Variants in RPS6KA1 observed in about 807,000 individuals in gnomAD.
RPS6KA1 encodes ribosomal protein S6 kinase alpha-1.
In RPS6KA1, 48 loss-of-function variants were observed where a neutral mutation model predicts 91.3. That is an observed-to-expected ratio of 0.53 (90% CI 0.42 to 0.67). The LOEUF is 0.67. RPS6KA1 is among the 30% of genes least tolerant of loss of function. The pLI, the probability that RPS6KA1 is intolerant of heterozygous loss-of-function variation, is 0.00. For synonymous variants in RPS6KA1, 359 were observed against 384.7 expected (o/e 0.93, Z 0.78); for missense variants, 719 against 960.5 (o/e 0.75, Z 3.32).
chr1:26,536,685 G>T (rs1179492668), intron 1 of RPS6KA1, among the ~76,000 whole-genome samples: 1 of 152,192 alleles, frequency 6.6e-6, no homozygotes. Context: ...CAGCATGAGG[G>T]TCAGAATGCT....
chr1:26,569,287 CT>C (rs1386888808), intron 17 of RPS6KA1, among the ~76,000 whole-genome samples: 6 of 152,164 alleles, frequency 3.9e-5, no homozygotes, highest in Admixed American at 6.6e-5. Flanking sequence ...GAGATCACGA[CT>C]GGTAACATTC....
At chr1:26,556,488 G>A (rs1477891103) in intron 11 of RPS6KA1, among the ~76,000 whole-genome samples, 166 bp from the exon 12 acceptor site, 4 of 152,214 alleles carry the variant, frequency 2.6e-5, no homozygotes, top group Admixed American at 2.6e-4. Flanking sequence ...TGCTGAGTAG[G>A]TGACAGGCCT....
At chr1:26,566,579 G>A (rs1416912736) in intron 17 of RPS6KA1, among the ~76,000 whole-genome samples, 1 of 152,090 alleles carries the variant, frequency 6.6e-6, no homozygotes, top group Non-Finnish European at 1.5e-5. Flanking sequence ...GAACCACTGT[G>A]CCCGGCTCAT....
chr1:26,556,934 C>A, intron 12 of RPS6KA1, 64 bp from the exon 13 acceptor site: 1 of 1,331,662 alleles, frequency 7.5e-7, no homozygotes, highest in Non-Finnish European at 1.1e-6. Flanking sequence ...CCTCCTCCTG[C>A]ATGGGGCTCC....
chr1:26,564,157 C>G (rs444482), intron 17 of RPS6KA1, among the ~76,000 whole-genome samples: 52,774 of 151,816 alleles, frequency 0.35, 10,056 homozygotes, highest in East Asian at 0.75. Context: ...AGAAGGCCAA[C>G]GTCATCCAAT....
rs376143382 is a variant in RPS6KA1, at chr1:26,571,358, C to T, written c.1591-91C>T. ...GTCCATGCACCCGTCCCTCTGCACC[C>T]TGTCTGTGTAGCTTTCTAATCTCTG... On this transcript the variant is annotated intron_variant, in intron 17 of 21. Transcript: ENST00000374168. This position sits in a 1 kb window ranked among gnomAD's most constrained non-coding sequence, Gnocchi z 5.1. The T allele has an allele frequency of 1.5e-5, 19 of 1,281,106 alleles. No homozygotes were observed. The African/African-American group carries it at 1.8e-4, about 12-fold the overall frequency. 79.4% of individuals were successfully genotyped at this position (1,281,106 alleles called of 1,614,324 possible). A position where few individuals can be genotyped will look rare whatever the true frequency, so the allele number is the denominator to read the frequency against.
intron 2 of RPS6KA1, among the ~76,000 whole-genome samples, chr1:26,542,397 G>A (rs952675722): frequency 6.6e-6 from 1 of 152,228 alleles, no homozygotes; most frequent in East Asian, 1.9e-4. Context: ...GTGCGTGGGG[G>A]CATGTGTTTC....
chr1:26,571,947 C>G lies in RPS6KA1; in HGVS notation c.1829+22C>G, dbSNP rs368405678. 2 of 1,604,230 alleles carry G rather than the reference C, an allele frequency of 1.2e-6. No individual in the cohort carries two copies. Among genetic ancestry groups the G allele is most frequent in the Non-Finnish European group, 1.7e-6 (2 of 1,174,302 alleles). On this transcript the variant is annotated intron_variant, in intron 19 of 21. Transcript: ENST00000374168. The surrounding 1 kb of genome is among the most constrained non-coding windows in gnomAD (Gnocchi z 5.1). ...CAGGGTGAGTGCCCCTGGCCTGGACCCTTCCCCACTCCTGCAGCCCTAGCA... is the reference window on the plus strand; with the variant it reads ...CAGGGTGAGTGCCCCTGGCCTGGACGCTTCCCCACTCCTGCAGCCCTAGCA...
intron 1 of RPS6KA1, among the ~76,000 whole-genome samples, chr1:26,531,644 C>A (rs892695787): frequency 2.6e-5 from 4 of 152,176 alleles, no homozygotes. Context: ...GGAAGACCAG[C>A]GGACTTCCTG....
chr1:26,538,350 G>A (rs895692732), intron 2 of RPS6KA1, among the ~76,000 whole-genome samples: 6 of 152,310 alleles, frequency 3.9e-5, no homozygotes, highest in Middle Eastern at 3.4e-3. Context: ...TTGCAGAGGA[G>A]CTTGCAGCAT....
At chr1:26,572,532 G>C (rs2076258224) in intron 20 of RPS6KA1, among the ~76,000 whole-genome samples, 1 of 152,078 alleles carries the variant, frequency 6.6e-6, no homozygotes, top group African/African-American at 2.4e-5. Flanking sequence ...GGGGCACTGA[G>C]GGCTGCATCA....
Position 26,555,266 on chromosome 1 carries a change from C to G in RPS6KA1, c.827+45C>G. On this transcript the variant is annotated intron_variant, in intron 10 of 21. Coordinates refer to ENST00000374168, the MANE Select transcript of RPS6KA1 (RefSeq NM_002953.4). This position sits in a 1 kb window ranked among gnomAD's most constrained non-coding sequence, Gnocchi z 4.3. ...TGATAACAATGGACTCCTCCAAGCCCCAGCCCCAGTTTGGGGGTCAGAATA... is the reference window on the plus strand; with the variant it reads ...TGATAACAATGGACTCCTCCAAGCCGCAGCCCCAGTTTGGGGGTCAGAATA... 6.3e-7 allele frequency: 1 copy of G among 1,590,278 alleles called. No homozygotes were observed.
At position 26,555,254 on chromosome 1, in the gene RPS6KA1, C is replaced by A; in HGVS notation, c.827+33C>A. ...CCAGCCCTGCCCTGATAACAATGGA[C>A]TCCTCCAAGCCCCAGCCCCAGTTTG... On this transcript the variant is annotated intron_variant, in intron 10 of 21. Coordinates refer to ENST00000374168, the MANE Select transcript of RPS6KA1 (RefSeq NM_002953.4). The surrounding 1 kb of genome is among the most constrained non-coding windows in gnomAD (Gnocchi z 4.3). The A allele has an allele frequency of 6.2e-7, 1 of 1,603,774 alleles. No individual in the cohort carries two copies.
In RPS6KA1 at chr1:26,536,679, A is replaced by G. The variant is rs563051685; in HGVS notation, c.64-246A>G. On this transcript the variant is annotated intron_variant, in intron 1 of 21. Transcript: ENST00000374168. The stretch of plus-strand genomic sequence containing the variant: ...ATGAAGTGTTTGCCAGGCAGACAGC[A>G]TGAGGGTCAGAATGCTGGTCCCTGG... 1.1e-4 allele frequency among the ~76,000 whole-genome samples: 17 copies of G among 152,360 alleles called. No homozygotes were observed. The South Asian group carries it at 3.3e-3, about 30-fold the overall frequency.
At chr1:26,567,529 T>C (rs2076214243) in intron 17 of RPS6KA1, among the ~76,000 whole-genome samples, 1 of 152,096 alleles carries the variant, frequency 6.6e-6, no homozygotes, top group Non-Finnish European at 1.5e-5. Context: ...TACAGATGCA[T>C]GCCACCACGC....
Position 26,543,012 on chromosome 1 carries a change from G to A in RPS6KA1, c.109-3855G>A. ...CTGCAGTGTCCCCTCCTCTATAGAG[G>A]AGCCTGACCCATCATCTGCCCCTCC... On this transcript the variant is annotated intron_variant, in intron 2 of 21. Coordinates refer to ENST00000374168, the MANE Select transcript of RPS6KA1 (RefSeq NM_002953.4). 13 of 806,936 alleles carry A rather than the reference G, an allele frequency of 1.6e-5. No homozygotes were observed. In the South Asian group the frequency reaches 2.3e-4, roughly 14 times the overall value. The allele number at this position is 806,936 out of a possible 1,614,324, so 50.0% of individuals were successfully genotyped here. A position where few individuals can be genotyped will look rare whatever the true frequency, so the allele number is the denominator to read the frequency against.
intron 14 of RPS6KA1, among the ~76,000 whole-genome samples, chr1:26,560,478 A>G (rs1168326045): frequency 6.6e-6 from 1 of 152,180 alleles, no homozygotes; most frequent in Non-Finnish European, 1.5e-5. Context: ...CACTCCCTAC[A>G]CTGCCCTCTG....
chr1:26,546,495 C>A (rs1276418872), intron 2 of RPS6KA1, among the ~76,000 whole-genome samples: 1 of 152,194 alleles, frequency 6.6e-6, no homozygotes, highest in Non-Finnish European at 1.5e-5. Context: ...CATATGAGAA[C>A]AAGCCTACTT....
At chr1:26,564,671 A>C (rs2076183746) in intron 17 of RPS6KA1, among the ~76,000 whole-genome samples, 1 of 152,172 alleles carries the variant, frequency 6.6e-6, no homozygotes, top group Non-Finnish European at 1.5e-5. Flanking sequence ...GTATTTCATT[A>C]GGGTTGTGAA....
Sources: allele counts gnomAD v4.1 joint callset (sites outside exome capture counted in the v4.1 genomes callset), GRCh38; gene constraint gnomAD v4.1.1; non-coding constraint Gnocchi (gnomAD v3.1); transcripts MANE v1.5; gene names NCBI Gene and HGNC (gene_info 2026-07-23, HGNC 2026-07-21).